Variants in ST8SIA2 observed in about 807,000 individuals in gnomAD.
The protein encoded by ST8SIA2 is alpha-2,8-sialyltransferase 8B.
A neutral mutation model predicts 37.6 loss-of-function variants in ST8SIA2; 22 were observed. That is an observed-to-expected ratio of 0.58 (90% confidence interval 0.42 to 0.83). The LOEUF (loss-of-function observed/expected upper bound fraction) is 0.83, where lower values mean the gene tolerates loss of function less well. ST8SIA2 is among the 40% of genes least tolerant of loss of function. The pLI is 0.00. For synonymous variants in ST8SIA2, 205 were observed against 201.2 expected (o/e 1.02, Z -0.16); for missense variants, 382 against 484.7 (o/e 0.79, Z 1.99).
intron 4 of ST8SIA2, among the ~76,000 whole-genome samples, chr15:92,442,857 G>C (rs942870124): frequency 3.9e-5 from 6 of 152,152 alleles, no homozygotes; most frequent in African/African-American, 1.4e-4. Flanking sequence ...CAGGCTCTTT[G>C]AGTCAAATAT....
intron 1 of ST8SIA2, among the ~76,000 whole-genome samples, chr15:92,394,779 A>AC (rs928592320): frequency 8.0e-5 from 12 of 150,856 alleles, no homozygotes; most frequent in African/African-American, 2.7e-4. Flanking sequence ...CTGGACTGAG[A>AC]CCCCCCGCCC....
rs139084667 is a variant in ST8SIA2 at position 92,462,629 on chromosome 15, G to A, written c.843-1471G>A. On this transcript the variant is annotated intron_variant, in intron 5 of 5. Coordinates refer to ENST00000268164, the MANE Select transcript of ST8SIA2 (RefSeq NM_006011.4). ...GGTGTGTTTGATTATACAGTCACATGCATCTCTGTGGAGATGTCAACAGAA... is the reference window on the plus strand; with the variant it reads ...GGTGTGTTTGATTATACAGTCACATACATCTCTGTGGAGATGTCAACAGAA... 3.9e-5 allele frequency among the ~76,000 whole-genome samples: 6 copies of A among 152,276 alleles called. No homozygotes were observed. The East Asian group carries it at 7.7e-4, about 20-fold the overall frequency.
intron 1 of ST8SIA2, among the ~76,000 whole-genome samples, chr15:92,421,675 G>A (rs116701926): frequency 0.012 from 1,845 of 152,282 alleles, 43 homozygotes; most frequent in African/African-American, 0.041. Flanking sequence ...TGTTAGCTCC[G>A]AGCTTACTCT....
Position 92,444,836 on chromosome 15 carries a change from A to G in ST8SIA2, c.749A>G (p.Glu250Gly). 1.2e-6 allele frequency: 2 copies of G among 1,614,026 alleles called. No individual in the cohort carries two copies. Among genetic ancestry groups the G allele is most frequent in the Non-Finnish European group, 1.7e-6 (2 of 1,180,040 alleles). The change falls in exon 5 of 6, where the codon GAG becomes GGG. Residue 250 changes from glutamate to glycine, a missense_variant. Physicochemically the swap from Glu to Gly is moderately conservative, Grantham distance 98. Coordinates refer to ENST00000268164, the MANE Select transcript of ST8SIA2 (RefSeq NM_006011.4). ...GCCTTCATGGCCCGGGGCGGCAAGG[A>G]GCGTGTTGAGTGGGTCAACGAGCTT... ...IPAFMARGGK[E>G]RVEWVNELIL...
intron 2 of ST8SIA2, among the ~76,000 whole-genome samples, chr15:92,432,342 G>A (rs1322225868): frequency 6.6e-6 from 1 of 152,200 alleles, no homozygotes; most frequent in Non-Finnish European, 1.5e-5. Flanking sequence ...GAAGTTGGTG[G>A]TATCAAAAGG....
At chr15:92,403,036 C>A (rs1007391261) in intron 1 of ST8SIA2, among the ~76,000 whole-genome samples, 1 of 152,004 alleles carries the variant, frequency 6.6e-6, no homozygotes, top group Non-Finnish European at 1.5e-5. Context: ...GGGAGCCCTT[C>A]GGGGAGGGGC....
intron 5 of ST8SIA2, 87 bp downstream of exon 5, chr15:92,445,016 C>T (rs903171759): frequency 1.3e-6 from 2 of 1,569,942 alleles, no homozygotes; most frequent in African/African-American, 1.3e-5. Flanking sequence ...GGTGCATTTC[C>T]ATCCCAGCTC....
At chr15:92,439,208 A>C (rs1435644140) in intron 4 of ST8SIA2, among the ~76,000 whole-genome samples, 3 of 90,226 alleles carry the variant, frequency 3.3e-5, no homozygotes, top group Non-Finnish European at 6.0e-5. Context: ...TCAAGTTTGC[A>C]AAACTCTTTG....
chr15:92,423,296 A>C (rs563508409), intron 1 of ST8SIA2, among the ~76,000 whole-genome samples: 2 of 152,222 alleles, frequency 1.3e-5, no homozygotes, highest in Non-Finnish European at 2.9e-5. Flanking sequence ...GCAGTGGCTC[A>C]TGTAATCCCA....
chr15:92,401,606 A>T (rs940457405), intron 1 of ST8SIA2, among the ~76,000 whole-genome samples: 1 of 151,962 alleles, frequency 6.6e-6, no homozygotes, highest in South Asian at 2.1e-4. Context: ...TGGGATCCCG[A>T]TTCACTCCCC....
At chr15:92,406,247 A>G (rs867275822) in intron 1 of ST8SIA2, among the ~76,000 whole-genome samples, 13 of 152,218 alleles carry the variant, frequency 8.5e-5, no homozygotes, top group Middle Eastern at 3.2e-3. Flanking sequence ...AGGATTTGTT[A>G]AAAACAGAAC....
intron 1 of ST8SIA2, among the ~76,000 whole-genome samples, chr15:92,414,849 A>G (rs548370202): frequency 6.6e-6 from 1 of 152,308 alleles, no homozygotes; most frequent in Admixed American, 6.5e-5. Flanking sequence ...GGACGCAGCC[A>G]TTTCCCATGC....
intron 2 of ST8SIA2, among the ~76,000 whole-genome samples, chr15:92,433,174 G>A (rs2049729410): frequency 6.6e-6 from 1 of 151,886 alleles, no homozygotes; most frequent in African/African-American, 2.4e-5. Context: ...GTCAGGTTTA[G>A]AACTCACTAA....
chr15:92,426,880 G>A (rs2049679917), intron 1 of ST8SIA2, among the ~76,000 whole-genome samples: 1 of 152,182 alleles, frequency 6.6e-6, no homozygotes, highest in South Asian at 2.1e-4. Context: ...TCTGAGGTCA[G>A]GGGGTCAGGA....
At chr15:92,430,173 T>C in intron 2 of ST8SIA2, 62 bp downstream of exon 2, 1 of 1,503,862 alleles carries the variant, frequency 6.6e-7, no homozygotes, top group African/African-American at 1.4e-5. Flanking sequence ...AATCTGCTTC[T>C]CTTCTTTGCT....
intron 5 of ST8SIA2, among the ~76,000 whole-genome samples, chr15:92,451,161 T>C (rs1019460415): frequency 6.6e-6 from 1 of 152,180 alleles, no homozygotes; most frequent in African/African-American, 2.4e-5. Flanking sequence ...CCACCCAGCA[T>C]CTAAGTGGCA....
intron 5 of ST8SIA2, among the ~76,000 whole-genome samples, chr15:92,459,032 ACCCAGCACGTGTGGAGG>A (rs2049939437): frequency 6.6e-6 from 1 of 152,118 alleles, no homozygotes; most frequent in African/African-American, 2.4e-5. Flanking sequence ...CTAGGCGAGC[ACCCAGCACGTGTGGAGG>A]CCCAGCACAC....
intron 1 of ST8SIA2, among the ~76,000 whole-genome samples, chr15:92,404,740 C>G (rs1349038021): frequency 6.7e-6 from 1 of 148,764 alleles, no homozygotes; most frequent in Non-Finnish European, 1.5e-5. Flanking sequence ...GAGGCTGAGA[C>G]AGGAGAATAG....
At chr15:92,421,626 G>A (rs964588855) in intron 1 of ST8SIA2, among the ~76,000 whole-genome samples, 2 of 152,206 alleles carry the variant, frequency 1.3e-5, no homozygotes, top group Non-Finnish European at 2.9e-5. Flanking sequence ...AGATCATACA[G>A]ATAATGATTT....
Sources: gnomAD v4.1 joint callset for allele counts (sites outside exome capture counted in the v4.1 genomes callset) on GRCh38, gnomAD v4.1.1 for gene constraint, MANE v1.5 for transcripts, NCBI Gene and HGNC (gene_info 2026-07-23, HGNC 2026-07-21) for gene names.